The following PDCL2 variants were observed in gnomAD, a reference collection of about 807,000 sequenced individuals.
The protein encoded by PDCL2 is phosducin like 2.
In PDCL2, 23 loss-of-function variants were observed where a neutral mutation model predicts 30.3. The ratio of observed to expected loss-of-function variants is 0.76; its 90% CI spans 0.55 to 1.08. The LOEUF (loss-of-function observed/expected upper bound fraction) is 1.08. Among genes scored for constraint, PDCL2 ranks in the 50% least tolerant of loss-of-function variants. The pLI is 0.00. For synonymous variants in PDCL2, 68 were observed against 86.2 expected, an observed-to-expected ratio of 0.79 and a Z score of 1.17; for missense variants, 243 against 282.3, an observed-to-expected ratio of 0.86 and a Z score of 1.00.
At chr4:55,556,772 A>G (rs968749623) in intron 5 of PDCL2, 61 bp from the exon 6 acceptor site, 1 of 1,313,938 alleles carries the variant, frequency 7.6e-7, no homozygotes, top group Non-Finnish European at 1.0e-6. Flanking sequence ...TTTTTCATCT[A>G]TATGAAACAA....
chr4:55,556,774 A>G (rs552179898), intron 5 of PDCL2, 63 bp from the exon 6 acceptor site: 1 of 1,298,002 alleles, frequency 7.7e-7, no homozygotes, highest in East Asian at 2.7e-5. Flanking sequence ...TTTCATCTAT[A>G]TGAAACAAGA....
intron 4 of PDCL2, among the ~76,000 whole-genome samples, chr4:55,566,782 T>C (rs931012697): frequency 8.5e-5 from 11 of 130,154 alleles, no homozygotes; most frequent in Admixed American, 6.9e-4. Context: ...TACTTTAGAG[T>C]GGCCCAGAAA....
At chr4:55,592,027 T>G in intron 1 of PDCL2, 77 bp downstream of exon 1, 1 of 1,572,622 alleles carries the variant, frequency 6.4e-7, no homozygotes, top group Non-Finnish European at 8.7e-7. Context: ...GCCCTCCCCA[T>G]TTGTGTCCCT....
rs145517241 is a variant in PDCL2 at position 55,559,654 on chromosome 4, G to A, written c.571+2750C>T. Among the ~76,000 whole-genome samples, 250 of 152,194 alleles carry A rather than the reference G, an allele frequency of 1.6e-3. 4 individuals are homozygous for A. In the East Asian group the frequency reaches 0.04, roughly 24 times the overall value. On this transcript the variant is annotated intron_variant, in intron 5 of 5. Coordinates refer to ENST00000295645, the MANE Select transcript of PDCL2 (RefSeq NM_152401.3). Reference sequence around the variant, plus strand: ...TATCATCTAGCAATTCCATTTCTGTGTATATTCCCAGAAGAATTAAAAACG... The same window carrying A: ...TATCATCTAGCAATTCCATTTCTGTATATATTCCCAGAAGAATTAAAAACG...
chr4:55,569,733 T>TTTATACA lies in PDCL2; in HGVS notation c.346_347insTGTATAA (p.His116LeufsTer16), dbSNP rs1216466266. The TTTATACA allele has an allele frequency of 6.4e-7, 1 of 1,552,352 alleles. No homozygotes were observed. The highest frequency in any genetic ancestry group is 8.7e-7 in the Non-Finnish European group (1 of 1,147,908). On this transcript the variant is annotated frameshift_variant, in exon 4 of 6. Coordinates refer to ENST00000295645, the MANE Select transcript of PDCL2 (RefSeq NM_152401.3). LOFTEE classifies it high-confidence loss of function. The stretch of plus-strand genomic sequence containing the variant: ...TGGTAATTACCTTGATCTGTATAGA[T>TTTATACA]GAATTATAACCCACACATCTTCTTC...
intron 5 of PDCL2, among the ~76,000 whole-genome samples, chr4:55,558,396 A>G (rs1202863474): frequency 6.6e-6 from 1 of 152,092 alleles, no homozygotes; most frequent in Non-Finnish European, 1.5e-5. Context: ...TCCCCACTTC[A>G]CTTAGCTCTC....
chr4:55,558,087 A>C (rs1205925484), intron 5 of PDCL2, among the ~76,000 whole-genome samples: 1 of 149,146 alleles, frequency 6.7e-6, no homozygotes, highest in Non-Finnish European at 1.5e-5. Context: ...AGATCGCGCC[A>C]TTGCACTCCA....
chr4:55,576,408 A>G (rs1732568736), intron 3 of PDCL2, among the ~76,000 whole-genome samples: 1 of 152,124 alleles, frequency 6.6e-6, no homozygotes, highest in Non-Finnish European at 1.5e-5. Context: ...TTGGTTTCTA[A>G]CTTCTCTTTT....
At chr4:55,571,714 T>G (rs925750204) in intron 3 of PDCL2, among the ~76,000 whole-genome samples, 2 of 147,828 alleles carry the variant, frequency 1.4e-5, no homozygotes, top group African/African-American at 5.1e-5. Context: ...TTGACCTTAT[T>G]TCCCATGCTA....
At chr4:55,567,705 C>T (rs984684941) in intron 4 of PDCL2, among the ~76,000 whole-genome samples, 6 of 152,128 alleles carry the variant, frequency 3.9e-5, no homozygotes, top group Non-Finnish European at 2.9e-5. Flanking sequence ...AATGTTATTT[C>T]CTTAAGCCAA....
At position 55,582,192 on chromosome 4, in the gene PDCL2, C is replaced by T. The variant is rs190198366; in HGVS notation, c.52G>A (p.Gly18Ser). The T allele has an allele frequency of 5.5e-5, 88 of 1,611,404 alleles. No homozygotes were observed. The highest frequency in any genetic ancestry group is 3.3e-4 in the Admixed American group (20 of 59,778). ...TEWNDILRDF[G>S]ILPPKEESKD... ...GACTCTTCTTTAGGAGGAAGAATGC[C>T]GAAATCTCTTAAAATGTCATTCCAT... Residue 18 changes from glycine to serine, a missense_variant, in exon 2 of 6, where the codon GGC becomes AGC. Physicochemically the swap from Gly to Ser is moderately conservative, Grantham distance 56. Transcript: ENST00000295645.
intron 5 of PDCL2, among the ~76,000 whole-genome samples, chr4:55,562,041 G>A (rs558703515): frequency 8.8e-4 from 124 of 140,380 alleles, no homozygotes; most frequent in African/African-American, 2.9e-3. Context: ...GGTACAAGCA[G>A]AGAATGTGTA....
chr4:55,592,046 G>T (rs1475256110), intron 1 of PDCL2, 58 bp downstream of exon 1: 14 of 1,596,380 alleles, frequency 8.8e-6, no homozygotes, highest in Non-Finnish European at 1.1e-5. Context: ...CTTGGCTTCG[G>T]GCCCAGCTGG....
chr4:55,558,771 A>G (rs1732049818), intron 5 of PDCL2, among the ~76,000 whole-genome samples: 1 of 152,230 alleles, frequency 6.6e-6, no homozygotes. Flanking sequence ...AATTTTCACT[A>G]TGCCAAATCA....
At chr4:55,579,004 A>T (rs1183191380) in intron 3 of PDCL2, among the ~76,000 whole-genome samples, 1 of 152,130 alleles carries the variant, frequency 6.6e-6, no homozygotes, top group Non-Finnish European at 1.5e-5. Flanking sequence ...TAAGGGAGAG[A>T]GATTACTTCT....
chr4:55,571,276 CCT>C (rs1330119230), intron 3 of PDCL2, among the ~76,000 whole-genome samples: 1 of 151,984 alleles, frequency 6.6e-6, no homozygotes, highest in African/African-American at 2.4e-5. Flanking sequence ...CTGCATGGCC[CCT>C]GTGTGGCATG....
chr4:55,570,731 T>A lies in PDCL2; in HGVS notation c.219-870A>T, dbSNP rs561138665. ...GTTTAAAAAACCAACTCTCTCAACATTTACATAATTTGACAATTTCGCTGT... is the reference window on the plus strand; with the variant it reads ...GTTTAAAAAACCAACTCTCTCAACAATTACATAATTTGACAATTTCGCTGT... On this transcript the variant is annotated intron_variant, in intron 3 of 5. Transcript: ENST00000295645. 2.6e-5 allele frequency among the ~76,000 whole-genome samples: 4 copies of A among 152,320 alleles called. No homozygotes were observed. In the East Asian group the frequency reaches 7.7e-4, roughly 29 times the overall value.
chr4:55,584,241 T>TTG (rs1732802247), intron 1 of PDCL2, among the ~76,000 whole-genome samples: 3 of 67,356 alleles, frequency 4.5e-5, no homozygotes, highest in East Asian at 6.2e-4. Context: ...CTAGTTTTTT[T>TTG]TTGTTGTTGT....
At chr4:55,562,661 C>G (rs748647701) in intron 4 of PDCL2, 49 bp from the exon 5 acceptor site, 3 of 1,266,630 alleles carry the variant, frequency 2.4e-6, no homozygotes. Context: ...GGCTACTCAT[C>G]TCAGTCTAAT....
Sources: gnomAD v4.1 joint callset for allele counts (sites outside exome capture counted in the v4.1 genomes callset) on GRCh38, gnomAD v4.1.1 for gene constraint, MANE v1.5 for transcripts, NCBI Gene and HGNC (gene_info 2026-07-23, HGNC 2026-07-21) for gene names.